Variants in EPS8 observed in about 807,000 individuals in gnomAD.
EPS8 encodes the protein EGFR pathway substrate 8, signaling adaptor.
In EPS8, 42 loss-of-function variants were observed where a neutral mutation model predicts 103.8. That is an observed-to-expected ratio of 0.40 (90% confidence interval 0.32 to 0.52). EPS8 has a LOEUF of 0.52. EPS8 is among the 20% of genes least tolerant of loss of function. EPS8 has a pLI of 0.40. For missense variants in EPS8, 969 were observed against 1,005.1 expected (o/e 0.96, Z 0.49); for synonymous variants, 344 against 344.6 (o/e 1.00, Z 0.02).
In EPS8 at chr12:15,735,577, T is replaced by C. The variant is rs1319569334; in HGVS notation, c.-21-52605A>G. On this transcript the variant is annotated intron_variant, in intron 1 of 20. Coordinates refer to ENST00000281172, the MANE Select transcript of EPS8 (RefSeq NM_004447.6). The surrounding 1 kb of genome is among the most constrained non-coding windows in gnomAD (Gnocchi z 4.4). ...CCTCAAAGCTACTTAATTTTGAATC[T>C]TTTTAATATTTTTCTAGCGTTTTAT... 1.3e-5 allele frequency among the ~76,000 whole-genome samples: 2 copies of C among 152,226 alleles called. No individual in the cohort carries two copies. The highest frequency in any genetic ancestry group is 2.9e-5 in the Non-Finnish European group (2 of 68,040).
chr12:15,677,421 T>C (rs1268860847), intron 3 of EPS8, among the ~76,000 whole-genome samples: 1 of 152,060 alleles, frequency 6.6e-6, no homozygotes, highest in Non-Finnish European at 1.5e-5. Flanking sequence ...ACCTGAAAAG[T>C]GTTCTCATGA....
intron 14 of EPS8, among the ~76,000 whole-genome samples, chr12:15,648,590 G>C (rs1196436118): frequency 6.6e-6 from 1 of 152,168 alleles, no homozygotes; most frequent in Non-Finnish European, 1.5e-5. Context: ...CCCTGGGAAA[G>C]AGTAGAGGCA....
intron 1 of EPS8, among the ~76,000 whole-genome samples, chr12:15,758,795 T>C (rs1206057641): frequency 1.3e-5 from 2 of 152,232 alleles, no homozygotes; most frequent in Non-Finnish European, 2.9e-5. Context: ...TAGGAGAATG[T>C]CCTTGTTCTT....
chr12:15,729,642 C>G (rs1358726746), intron 1 of EPS8, among the ~76,000 whole-genome samples: 1 of 152,088 alleles, frequency 6.6e-6, no homozygotes, highest in African/African-American at 2.4e-5. Context: ...TTCATTTAGT[C>G]AGTGTATTTT....
In EPS8 at chr12:15,654,913, C is replaced by T. The variant is rs527481916; in HGVS notation, c.1102-620G>A. Among the ~76,000 whole-genome samples, 48 of 152,168 alleles carry T rather than the reference C, an allele frequency of 3.2e-4. No individual in the cohort carries two copies. The South Asian group carries it at 1.0e-2, about 32-fold the overall frequency. On this transcript the variant is annotated intron_variant, in intron 12 of 20. Transcript: ENST00000281172. ...ACAGCAGAAACAAACAGGTGCAATT[C>T]TCTGATAAGCAAAATGAGGATAAGT...
At position 15,755,117 on chromosome 12, in the gene EPS8, G is replaced by A. The variant is rs1347205692; in HGVS notation, c.-22+34044C>T. 2.6e-5 allele frequency among the ~76,000 whole-genome samples: 4 copies of A among 152,082 alleles called. No individual in the cohort carries two copies. The East Asian group carries it at 5.8e-4, about 22-fold the overall frequency. ...AATACAGATTACATCTACCAAAGGT[G>A]AGTATAGATGACATCACTCATCTAG... On this transcript the variant is annotated intron_variant, in intron 1 of 20. Transcript: ENST00000281172.
In EPS8 at chr12:15,779,332, C is replaced by T. The variant is rs1435266558; in HGVS notation, c.-22+9829G>A. Among the ~76,000 whole-genome samples the T allele has an allele frequency of 5.9e-5, 9 of 152,190 alleles. No individual in the cohort carries two copies. Among genetic ancestry groups the T allele is most frequent in the Admixed American group, 5.9e-4 (9 of 15,282 alleles). On this transcript the variant is annotated intron_variant, in intron 1 of 20. Transcript: ENST00000281172. This position sits in a 1 kb window ranked among gnomAD's most constrained non-coding sequence, Gnocchi z 4.3. ...AGTTAAAAGTATCTTCTATCTCTATCATCAAAAGTATATCTTTCTTTAAAT... is the reference window on the plus strand; with the variant it reads ...AGTTAAAAGTATCTTCTATCTCTATTATCAAAAGTATATCTTTCTTTAAAT...
At chr12:15,653,590 A>C (rs1474757766) in intron 13 of EPS8, among the ~76,000 whole-genome samples, 1 of 152,018 alleles carries the variant, frequency 6.6e-6, no homozygotes, top group Non-Finnish European at 1.5e-5. Flanking sequence ...TGGAAATCCT[A>C]CCCAACCTGC....
Position 15,688,171 on chromosome 12 carries a change from G to A in EPS8, c.-21-5199C>T, listed in dbSNP as rs1249774330. Among the ~76,000 whole-genome samples, 1 of 152,148 alleles carries A rather than the reference G, an allele frequency of 6.6e-6. No homozygotes were observed. Among genetic ancestry groups the A allele is most frequent in the Non-Finnish European group, 1.5e-5 (1 of 68,032 alleles). ...GAGAAAGGGAAAGAAAACATTTAATGAGCCCCCAGTTCATAAGACATTTTA... is the reference window on the plus strand; with the variant it reads ...GAGAAAGGGAAAGAAAACATTTAATAAGCCCCCAGTTCATAAGACATTTTA... On this transcript the variant is annotated intron_variant, in intron 1 of 20. Transcript: ENST00000281172. The surrounding 1 kb of genome is among the most constrained non-coding windows in gnomAD (Gnocchi z 5.1).
intron 17 of EPS8, among the ~76,000 whole-genome samples, chr12:15,638,804 C>T (rs1002169575): frequency 5.3e-5 from 8 of 152,066 alleles, no homozygotes; most frequent in Non-Finnish European, 4.4e-5. Context: ...ACTTTCCCTG[C>T]GTATGATATA....
intron 1 of EPS8, among the ~76,000 whole-genome samples, chr12:15,755,472 G>C (rs193159364): frequency 6.6e-6 from 1 of 152,046 alleles, no homozygotes; most frequent in Non-Finnish European, 1.5e-5. Context: ...CTCTGAGCCT[G>C]TTTCTTTCAT....
rs1169897838 is a variant in EPS8 at position 15,764,806 on chromosome 12, C to T, written c.-22+24355G>A. On this transcript the variant is annotated intron_variant, in intron 1 of 20. Coordinates refer to ENST00000281172, the MANE Select transcript of EPS8 (RefSeq NM_004447.6). This position sits in a 1 kb window ranked among gnomAD's most constrained non-coding sequence, Gnocchi z 4.1. ...AGCTCTCATCTTGAGATAAGAACATCAGGTCTCATACTTTCTGGGGAATGA... is the reference window on the plus strand; with the variant it reads ...AGCTCTCATCTTGAGATAAGAACATTAGGTCTCATACTTTCTGGGGAATGA... 1.3e-5 allele frequency among the ~76,000 whole-genome samples: 2 copies of T among 152,152 alleles called. No individual in the cohort carries two copies. The highest frequency in any genetic ancestry group is 6.5e-5 in the Admixed American group (1 of 15,278).
In EPS8 at chr12:15,669,794, T is replaced by A. The variant is rs372726351; in HGVS notation, c.236A>T (p.Asp79Val). 6.2e-7 allele frequency: 1 copy of A among 1,609,710 alleles called. No individual in the cohort carries two copies. The highest frequency in any genetic ancestry group is 8.5e-7 in the Non-Finnish European group (1 of 1,178,822). The change falls in exon 5 of 21, where the codon GAT (aspartate) becomes GTT (valine). Residue 79 changes from aspartate (D) to valine (V), a missense_variant. By Grantham distance (152) the Asp-to-Val change is radical. Transcript: ENST00000281172. ...TCCATCATCAACAGTGATCATAGCA[T>A]CTTTCCGATCCAGGACAAAGGTAGT... Reference protein sequence around the residue: ...HLTTFVLDRKDAMITVDDGIR... With the variant: ...HLTTFVLDRKVAMITVDDGIR...
At chr12:15,631,687 CTTAAAA>C (rs1267822469) in intron 17 of EPS8, 23 bp from the exon 18 acceptor site, 1 of 1,551,072 alleles carries the variant, frequency 6.4e-7, no homozygotes, top group Admixed American at 1.9e-5. Flanking sequence ...AAATAATTAA[CTTAAAA>C]TTTAAAAAAT....
chr12:15,640,998 C>T (rs866259812), intron 16 of EPS8, 152 bp from the exon 17 acceptor site: 2 of 661,602 alleles, frequency 3.0e-6, no homozygotes, highest in Non-Finnish European at 5.1e-6. Flanking sequence ...AGGAATTACA[C>T]TAAGAAGACA....
rs1946544723 is a variant in EPS8 at position 15,717,444 on chromosome 12, G to A, written c.-21-34472C>T. 6.6e-6 allele frequency among the ~76,000 whole-genome samples: 1 copy of A among 152,050 alleles called. No homozygotes were observed. Among genetic ancestry groups the A allele is most frequent in the East Asian group, 1.9e-4 (1 of 5,178 alleles). On this transcript the variant is annotated intron_variant, in intron 1 of 20. Transcript: ENST00000281172. This position sits in a 1 kb window ranked among gnomAD's most constrained non-coding sequence, Gnocchi z 4.3. ...TCTACTAAAAATACAAAAATTAGCTGGGCGCGGTGGCACGTGCCTGTAATC... is the reference window on the plus strand; with the variant it reads ...TCTACTAAAAATACAAAAATTAGCTAGGCGCGGTGGCACGTGCCTGTAATC...
chr12:15,631,429 C>T lies in EPS8; in HGVS notation c.2044+13G>A, dbSNP rs756953283. On this transcript the variant is annotated intron_variant, in intron 18 of 20. Transcript: ENST00000281172. Reference sequence around the variant, plus strand: ...TTTGCAGAAGACATTTTTTGCCTCCCTGGGAAACTTACGGTCCACCGGAAG... The same window carrying T: ...TTTGCAGAAGACATTTTTTGCCTCCTTGGGAAACTTACGGTCCACCGGAAG... 2.5e-6 allele frequency: 4 copies of T among 1,611,110 alleles called. No homozygotes were observed. The highest frequency in any genetic ancestry group is 3.4e-6 in the Non-Finnish European group (4 of 1,179,136).
At position 15,695,848 on chromosome 12, in the gene EPS8, AC is replaced by A. The variant is rs1474488358; in HGVS notation, c.-21-12877del. 6.6e-6 allele frequency among the ~76,000 whole-genome samples: 1 copy of A among 152,206 alleles called. No homozygotes were observed. The highest frequency in any genetic ancestry group is 1.5e-5 in the Non-Finnish European group (1 of 68,022). On this transcript the variant is annotated intron_variant, in intron 1 of 20. Transcript: ENST00000281172. This position sits in a 1 kb window ranked among gnomAD's most constrained non-coding sequence, Gnocchi z 5.0. ...AAATCAGCCAGACATGGTGGCAGGC[AC>A]CTGTAATCCCAGCTACTCGGGAGGC... is the stretch of plus-strand genomic sequence containing the variant.
chr12:15,632,736 CCA>C (rs1425997081), intron 17 of EPS8, among the ~76,000 whole-genome samples: 2 of 152,106 alleles, frequency 1.3e-5, no homozygotes, highest in African/African-American at 2.4e-5. Context: ...CTCCCAATTT[CCA>C]CAGAGATCAA....
Sources: gnomAD v4.1 joint callset for allele counts (sites outside exome capture counted in the v4.1 genomes callset) on GRCh38, gnomAD v4.1.1 for gene constraint, Gnocchi (gnomAD v3.1) non-coding constraint, MANE v1.5 for transcripts, NCBI Gene and HGNC (gene_info 2026-07-23, HGNC 2026-07-21) for gene names.